Variants in TSPAN18 observed in about 807,000 individuals in gnomAD.
TSPAN18 encodes tetraspanin 18, also known as tetraspanin-18.
In TSPAN18, 14 loss-of-function variants were observed where a neutral mutation model predicts 27.3. That is an observed-to-expected ratio of 0.51 (90% CI 0.34 to 0.80). The LOEUF is 0.80. TSPAN18 is among the 30% of genes least tolerant of loss of function. The probability of loss-of-function intolerance (pLI) is 0.01; values close to 1 mark genes in which losing one functional copy is unlikely to be tolerated. For synonymous variants in TSPAN18, 143 were observed against 136.5 expected (o/e 1.05, Z -0.33); for missense variants, 268 against 323.9 (o/e 0.83, Z 1.32).
At chr11:44,890,868 T>A (rs1287890979) in intron 3 of TSPAN18, among the ~76,000 whole-genome samples, 1 of 152,118 alleles carries the variant, frequency 6.6e-6, no homozygotes, top group African/African-American at 2.4e-5. Context: ...CTACTCCAAA[T>A]TTGCTTTTAA....
intron 2 of TSPAN18, among the ~76,000 whole-genome samples, chr11:44,856,545 C>T (rs1857744067): frequency 6.6e-6 from 1 of 152,178 alleles, no homozygotes; most frequent in Non-Finnish European, 1.5e-5. Flanking sequence ...AGGAACCCCT[C>T]CTTAGCCACC....
chr11:44,866,730 C>T (rs947379288), intron 3 of TSPAN18, among the ~76,000 whole-genome samples: 3 of 152,210 alleles, frequency 2.0e-5, no homozygotes, highest in African/African-American at 7.2e-5. Flanking sequence ...AAGCCTGCTG[C>T]CTCTGCTGCC....
chr11:44,918,136 T>G (rs1414697220), intron 6 of TSPAN18, 90 bp downstream of exon 6: 1 of 1,328,184 alleles, frequency 7.5e-7, no homozygotes, highest in South Asian at 1.2e-5. Context: ...CCTTGAAGGG[T>G]CTCAGAGAGT....
chr11:44,728,658 G>C (rs1056858392), intron 1 of TSPAN18, among the ~76,000 whole-genome samples: 1 of 152,134 alleles, frequency 6.6e-6, no homozygotes, highest in Non-Finnish European at 1.5e-5. Context: ...ACATTCTTCT[G>C]GTCATTTCAC....
At chr11:44,853,549 T>C (rs1388269450) in intron 2 of TSPAN18, among the ~76,000 whole-genome samples, 1 of 152,168 alleles carries the variant, frequency 6.6e-6, no homozygotes, top group East Asian at 1.9e-4. Flanking sequence ...CCTCAGGTGA[T>C]AACTGCCATC....
intron 3 of TSPAN18, among the ~76,000 whole-genome samples, chr11:44,884,703 T>C (rs835774): frequency 0.45 from 68,387 of 152,094 alleles, 18,249 homozygotes; most frequent in Non-Finnish European, 0.62. Flanking sequence ...ACCCTCATGA[T>C]GACACTGGGA....
intron 3 of TSPAN18, among the ~76,000 whole-genome samples, chr11:44,879,817 G>A (rs1858439513): frequency 6.6e-6 from 1 of 152,380 alleles, no homozygotes; most frequent in Non-Finnish European, 1.5e-5. Flanking sequence ...AGTGTCTGGA[G>A]GCCAGATGGC....
chr11:44,858,265 C>G (rs1049776002), intron 2 of TSPAN18, among the ~76,000 whole-genome samples: 23 of 152,294 alleles, frequency 1.5e-4, no homozygotes, highest in African/African-American at 5.5e-4. Context: ...TCACCCTGGG[C>G]CCATTGTCCA....
At chr11:44,908,211 C>T (rs1231349860) in intron 4 of TSPAN18, among the ~76,000 whole-genome samples, 4 of 152,146 alleles carry the variant, frequency 2.6e-5, no homozygotes, top group Admixed American at 2.6e-4. Flanking sequence ...CTACAAATGC[C>T]CCTTGCCCAA....
In TSPAN18 at chr11:44,929,120, T is replaced by C. The variant is rs759144596; in HGVS notation, c.700-11T>C. The C allele has an allele frequency of 2.5e-6, 4 of 1,612,898 alleles. No individual in the cohort carries two copies. Among genetic ancestry groups the C allele is most frequent in the East Asian group, 4.5e-5 (2 of 44,884 alleles). ...GATAAGCCAGTTCCTGCTCTTTTTC[T>C]TTTTTTGCAGCTTTTCGCCATGATC... On this transcript the variant is annotated splice_polypyrimidine_tract_variant and intron_variant, in intron 9 of 9. Coordinates refer to ENST00000520358, the MANE Select transcript of TSPAN18 (RefSeq NM_130783.5).
intron 2 of TSPAN18, among the ~76,000 whole-genome samples, chr11:44,807,580 A>G (rs112227665): frequency 0.026 from 3,925 of 151,062 alleles, 147 homozygotes; most frequent in African/African-American, 0.079. Context: ...CACAGGTGGG[A>G]TACAGAGAAG....
intron 2 of TSPAN18, among the ~76,000 whole-genome samples, chr11:44,838,031 G>A (rs1590556925): frequency 1.3e-5 from 2 of 152,144 alleles, no homozygotes; most frequent in African/African-American, 2.4e-5. Context: ...TGAGATTTGG[G>A]TGGTGGGGTA....
At chr11:44,760,221 C>G (rs1855420257) in intron 1 of TSPAN18, among the ~76,000 whole-genome samples, 1 of 152,182 alleles carries the variant, frequency 6.6e-6, no homozygotes, top group South Asian at 2.1e-4. Flanking sequence ...ACACAGTGCT[C>G]TCCATTTATG....
At chr11:44,902,463 G>A (rs568823976) in intron 3 of TSPAN18, among the ~76,000 whole-genome samples, 21 of 152,348 alleles carry the variant, frequency 1.4e-4, no homozygotes, top group African/African-American at 4.3e-4. Flanking sequence ...CTGGGGGACC[G>A]TTCTGTAGGA....
chr11:44,797,873 G>A (rs1856386072), intron 2 of TSPAN18, among the ~76,000 whole-genome samples: 1 of 152,178 alleles, frequency 6.6e-6, no homozygotes, highest in Non-Finnish European at 1.5e-5. Flanking sequence ...GCCCTAAACA[G>A]TTGCTCAGCA....
rs1590713652 is a variant in TSPAN18 at position 44,930,654 on chromosome 11, T to C, written c.*1476T>C. Reference sequence around the variant, plus strand: ...GAGTGTTGGCAACTGGATTGCAAGATGCTCCTACCCTGATAGATCAGGGGT... The same window carrying C: ...GAGTGTTGGCAACTGGATTGCAAGACGCTCCTACCCTGATAGATCAGGGGT... On this transcript the variant is annotated 3_prime_UTR_variant, in exon 10 of 10. Coordinates refer to ENST00000520358, the MANE Select transcript of TSPAN18 (RefSeq NM_130783.5). 2.9e-6 allele frequency: 1 copy of C among 343,874 alleles called. No homozygotes were observed. The highest frequency in any genetic ancestry group is 2.2e-5 in the South Asian group (1 of 46,096). The allele number at this position is 343,874 out of a possible 1,614,324, so 21.3% of individuals were successfully genotyped here.
intron 1 of TSPAN18, among the ~76,000 whole-genome samples, chr11:44,741,348 AT>A (rs2134823605): frequency 6.6e-6 from 1 of 152,268 alleles, no homozygotes; most frequent in East Asian, 1.9e-4. Flanking sequence ...TCTTTTAAAA[AT>A]GTGGTTGCTA....
At chr11:44,906,837 T>C (rs1418126978) in intron 4 of TSPAN18, among the ~76,000 whole-genome samples, 1 of 152,094 alleles carries the variant, frequency 6.6e-6, no homozygotes, top group Non-Finnish European at 1.5e-5. Flanking sequence ...CACCCAACCT[T>C]ATCTCCCTGA....
At chr11:44,753,120 A>G (rs529457648) in intron 1 of TSPAN18, among the ~76,000 whole-genome samples, 1 of 152,238 alleles carries the variant, frequency 6.6e-6, no homozygotes, top group Admixed American at 6.5e-5. Flanking sequence ...ACTTGATATT[A>G]TAGCGCATCC....
Sources: allele counts gnomAD v4.1 joint callset (sites outside exome capture counted in the v4.1 genomes callset), GRCh38; gene constraint gnomAD v4.1.1; transcripts MANE v1.5; gene names NCBI Gene and HGNC (gene_info 2026-07-23, HGNC 2026-07-21).